FGD3: variants seen among roughly 807,000 people sequenced by gnomAD.
The protein encoded by FGD3 is FYVE, RhoGEF and PH domain-containing protein 3.
Under a neutral mutation model 71.8 loss-of-function variants are expected in FGD3, and 45 were observed. The observed-to-expected ratio is 0.63, with a 90% CI of 0.49 to 0.80. The LOEUF (loss-of-function observed/expected upper bound fraction) is 0.80. Ranked by LOEUF, FGD3 falls within the 30% of genes least tolerant of loss-of-function variation. FGD3 has a pLI of 0.00. For missense variants in FGD3, 844 were observed against 951.5 expected, an observed-to-expected ratio of 0.89 and a Z score of 1.49; for synonymous variants, 378 against 392.8, an observed-to-expected ratio of 0.96 and a Z score of 0.44.
intron 3 of FGD3, among the ~76,000 whole-genome samples, chr9:92,981,877 C>T (rs1165565653): frequency 1.3e-5 from 2 of 151,866 alleles, no homozygotes; most frequent in Non-Finnish European, 2.9e-5. Flanking sequence ...ACTAGCTGTA[C>T]ATATACCTGA....
intron 1 of FGD3, among the ~76,000 whole-genome samples, chr9:92,971,734 C>G (rs746863049): frequency 6.6e-6 from 1 of 151,690 alleles, no homozygotes; most frequent in Non-Finnish European, 1.5e-5. Context: ...CACCACCACA[C>G]CTGGCTAGGG....
At chr9:92,991,947 G>A (rs1359177939) in intron 3 of FGD3, among the ~76,000 whole-genome samples, 1 of 151,806 alleles carries the variant, frequency 6.6e-6, no homozygotes, top group Non-Finnish European at 1.5e-5. Context: ...AGTCTTCTTC[G>A]TCTGATATAA....
At chr9:93,028,184 A>G (rs896242831) in intron 14 of FGD3, among the ~76,000 whole-genome samples, 3 of 143,898 alleles carry the variant, frequency 2.1e-5, no homozygotes, top group Non-Finnish European at 3.0e-5. Context: ...ATGGCCCCTC[A>G]GCCCCTAGCC....
At position 93,004,107 on chromosome 9, in the gene FGD3, C is replaced by T. The variant is rs372428454; in HGVS notation, c.650C>T (p.Pro217Leu). The change falls in exon 5 of 18, where the codon CCG (proline) becomes CTG (leucine). Residue 217 changes from proline (P) to leucine (L), a missense_variant. Coordinates refer to ENST00000375482, the MANE Select transcript of FGD3 (RefSeq NM_001083536.2). ...CGCTTCCACGGGCAGTTCCTGCTGC[C>T]GGAGCTGAAGACGCGGATCACGGAG... ...IHRFHGQFLL[P>L]ELKTRITEEW... 39 of 1,613,970 alleles carry T rather than the reference C, an allele frequency of 2.4e-5. No individual in the cohort carries two copies. Among genetic ancestry groups the T allele is most frequent in the Non-Finnish European group, 3.1e-5 (37 of 1,180,046 alleles).
chr9:92,950,766 A>G (rs1858939637), intron 1 of FGD3, among the ~76,000 whole-genome samples: 1 of 152,182 alleles, frequency 6.6e-6, no homozygotes, highest in African/African-American at 2.4e-5. Flanking sequence ...CATTTGGTCT[A>G]AAGAATTAAA....
intron 3 of FGD3, among the ~76,000 whole-genome samples, chr9:92,993,143 TC>T (rs1426272020): frequency 6.6e-6 from 1 of 152,068 alleles, no homozygotes; most frequent in Non-Finnish European, 1.5e-5. Context: ...TCACTCTCCT[TC>T]TTTTTTTTGG....
chr9:92,976,115 G>A lies in FGD3; in HGVS notation c.-49-93G>A, dbSNP rs1859742257. On this transcript the variant is annotated intron_variant, in intron 2 of 17. Coordinates refer to ENST00000375482, the MANE Select transcript of FGD3 (RefSeq NM_001083536.2). ...CTCCAGGCTTTCGGTGGGGGGCGGA[G>A]GGTACTGCCTGGGAGCTGCATTTGG... 3.1e-5 allele frequency: 23 copies of A among 736,678 alleles called. No homozygotes were observed. In the South Asian group the frequency reaches 4.2e-4, roughly 14 times the overall value. The allele number at this position is 736,678 out of a possible 1,614,324, so 45.6% of individuals were successfully genotyped here.
At chr9:93,005,739 G>A (rs1056790867) in intron 5 of FGD3, among the ~76,000 whole-genome samples, 4 of 152,212 alleles carry the variant, frequency 2.6e-5, no homozygotes, top group South Asian at 2.1e-4. Flanking sequence ...TCATTCAAGC[G>A]ATTCTGCTAC....
At chr9:92,992,511 T>G (rs892465128) in intron 3 of FGD3, among the ~76,000 whole-genome samples, 14 of 152,200 alleles carry the variant, frequency 9.2e-5, no homozygotes, top group African/African-American at 3.4e-4. Flanking sequence ...CTTGAGCTCC[T>G]GGGTTGGAGT....
At chr9:93,004,520 C>G (rs577157699) in intron 5 of FGD3, among the ~76,000 whole-genome samples, 1 of 152,342 alleles carries the variant, frequency 6.6e-6, no homozygotes, top group East Asian at 1.9e-4. Flanking sequence ...TCCCTCTCAA[C>G]AGTGGACCTC....
intron 15 of FGD3, 103 bp from the exon 16 acceptor site, chr9:93,032,666 C>G (rs1156803484): frequency 1.8e-5 from 10 of 553,820 alleles, no homozygotes; most frequent in Non-Finnish European, 2.7e-5. Flanking sequence ...GTTAAGTCTC[C>G]TCCCGCCCAC....
In FGD3 at chr9:93,031,855, T is replaced by G. The variant is rs540559442; in HGVS notation, c.1681-914T>G. Among the ~76,000 whole-genome samples the G allele has an allele frequency of 2.6e-5, 4 of 152,186 alleles. No individual in the cohort carries two copies. In the South Asian group the frequency reaches 8.3e-4, roughly 32 times the overall value. ...GGCCCTGAGACAGCAGGAGCCTCTTTGTGCTGGGAAAAGGATCCAGCAGAG... is the reference window on the plus strand; with the variant it reads ...GGCCCTGAGACAGCAGGAGCCTCTTGGTGCTGGGAAAAGGATCCAGCAGAG... On this transcript the variant is annotated intron_variant, in intron 15 of 17. Coordinates refer to ENST00000375482, the MANE Select transcript of FGD3 (RefSeq NM_001083536.2).
At position 93,004,084 on chromosome 9, in the gene FGD3, C is replaced by A; in HGVS notation, c.627C>A (p.Arg209=). ...TCTCTAACATCTCCTCCATCCACCG[C>A]TTCCACGGGCAGTTCCTGCTGCCGG... ...GIFSNISSIH[R]FHGQFLLPEL... The change falls in exon 5 of 18, where the codon CGC becomes CGA. Residue 209 remains arginine (R), a synonymous_variant. Coordinates refer to ENST00000375482, the MANE Select transcript of FGD3 (RefSeq NM_001083536.2). 6.2e-7 allele frequency: 1 copy of A among 1,614,218 alleles called. No individual in the cohort carries two copies. Among genetic ancestry groups the A allele is most frequent in the African/African-American group, 1.3e-5 (1 of 75,082 alleles).
intron 6 of FGD3, among the ~76,000 whole-genome samples, chr9:93,008,900 G>A (rs1861179568): frequency 6.6e-6 from 1 of 151,836 alleles, no homozygotes; most frequent in South Asian, 2.1e-4. Context: ...GGGAGGCGGA[G>A]GCTGTAGTGA....
At chr9:92,957,019 C>T (rs1244409451) in intron 1 of FGD3, among the ~76,000 whole-genome samples, 2 of 152,062 alleles carry the variant, frequency 1.3e-5, no homozygotes, top group Non-Finnish European at 2.9e-5. Context: ...ATTGTTATAT[C>T]AGTGGCTTAC....
intron 1 of FGD3, among the ~76,000 whole-genome samples, chr9:92,970,491 C>A (rs746890266): frequency 6.6e-6 from 1 of 152,120 alleles, no homozygotes; most frequent in African/African-American, 2.4e-5. Context: ...GGGTGGTGAC[C>A]ATTGTTCATC....
chr9:93,027,070 C>A (rs1301801957), intron 14 of FGD3, among the ~76,000 whole-genome samples: 3 of 152,252 alleles, frequency 2.0e-5, no homozygotes, highest in Non-Finnish European at 4.4e-5. Context: ...AGAGGGAGCC[C>A]AGGCCGCCTC....
rs544585917 is a variant in FGD3, at chr9:92,947,978, C to G, written c.-218+249C>G. On this transcript the variant is annotated intron_variant, in intron 1 of 17. Coordinates refer to ENST00000375482, the MANE Select transcript of FGD3 (RefSeq NM_001083536.2). Reference sequence around the variant, plus strand: ...ACTGAGCTGAAGAAAACCACCTTGGCAGTCCTCGCGGTGGGTCCTGGGACC... The same window carrying G: ...ACTGAGCTGAAGAAAACCACCTTGGGAGTCCTCGCGGTGGGTCCTGGGACC... Among the ~76,000 whole-genome samples, 12 of 152,288 alleles carry G rather than the reference C, an allele frequency of 7.9e-5. No homozygotes were observed. In the South Asian group the frequency reaches 2.5e-3, roughly 32 times the overall value.
intron 8 of FGD3, 80 bp downstream of exon 8, chr9:93,011,352 T>TA: frequency 6.5e-7 from 1 of 1,548,112 alleles, no homozygotes; most frequent in South Asian, 1.1e-5. Flanking sequence ...GCCAGCCCCT[T>TA]TGCCGCTATC....
Sources: gnomAD v4.1 joint callset for allele counts (sites outside exome capture counted in the v4.1 genomes callset) on GRCh38, gnomAD v4.1.1 for gene constraint, MANE v1.5 for transcripts, NCBI Gene and HGNC (gene_info 2026-07-23, HGNC 2026-07-21) for gene names.